FBXL7: variants seen among roughly 807,000 people sequenced by gnomAD.
The protein encoded by FBXL7 is F-box and leucine rich repeat protein 7.
In FBXL7, 12 loss-of-function variants were observed where a neutral mutation model predicts 38.3. The ratio of observed to expected loss-of-function variants is 0.31; its 90% CI spans 0.20 to 0.51. The LOEUF is 0.51. Ranked by LOEUF, FBXL7 falls within the 20% of genes least tolerant of loss-of-function variation. The pLI, the probability that FBXL7 is intolerant of heterozygous loss-of-function variation, is 0.98. For missense variants in FBXL7, 567 were observed against 676.4 expected (o/e 0.84, Z 1.79); for synonymous variants, 297 against 300.9 (o/e 0.99, Z 0.13).
chr5:15,665,220 T>C (rs977085145), intron 2 of FBXL7, among the ~76,000 whole-genome samples: 4 of 152,140 alleles, frequency 2.6e-5, no homozygotes, highest in Non-Finnish European at 5.9e-5. Context: ...TCTCCTTCCA[T>C]ACCCCCCAAT....
intron 2 of FBXL7, among the ~76,000 whole-genome samples, chr5:15,874,741 C>A (rs1740125506): frequency 6.6e-6 from 1 of 152,092 alleles, no homozygotes; most frequent in Non-Finnish European, 1.5e-5. Context: ...GAACTACAAA[C>A]CACTGCTCAA....
chr5:15,630,782 A>G (rs1007193432), intron 2 of FBXL7, among the ~76,000 whole-genome samples: 1 of 152,080 alleles, frequency 6.6e-6, no homozygotes, highest in Non-Finnish European at 1.5e-5. Flanking sequence ...TCACCAAAAC[A>G]TGAAGTAGGA....
chr5:15,765,714 G>A (rs1469538696), intron 2 of FBXL7, among the ~76,000 whole-genome samples: 1 of 152,154 alleles, frequency 6.6e-6, no homozygotes, highest in Non-Finnish European at 1.5e-5. Flanking sequence ...GCCCAGTTGT[G>A]TACCAATTGA....
At chr5:15,589,014 T>G (rs944055133) in intron 1 of FBXL7, among the ~76,000 whole-genome samples, 1 of 152,184 alleles carries the variant, frequency 6.6e-6, no homozygotes, top group African/African-American at 2.4e-5. Context: ...CTGAGAAATT[T>G]CAGATGATTT....
intron 2 of FBXL7, among the ~76,000 whole-genome samples, chr5:15,866,666 C>A (rs1561160775): frequency 6.8e-6 from 1 of 146,898 alleles, no homozygotes; most frequent in East Asian, 2.0e-4. Context: ...TCCCCTCACC[C>A]CCCACCCCCC....
intron 2 of FBXL7, among the ~76,000 whole-genome samples, chr5:15,648,418 AG>A (rs1741605636): frequency 1.3e-5 from 2 of 152,228 alleles, no homozygotes; most frequent in African/African-American, 4.8e-5. Flanking sequence ...TCGCTTATTA[AG>A]GGACACCAAA....
intron 2 of FBXL7, among the ~76,000 whole-genome samples, chr5:15,674,889 T>C (rs1427921869): frequency 2.0e-5 from 3 of 152,222 alleles, no homozygotes; most frequent in African/African-American, 7.2e-5. Flanking sequence ...TTCTTCCAGC[T>C]AGATCATTAA....
intron 2 of FBXL7, among the ~76,000 whole-genome samples, chr5:15,808,662 G>A (rs1737778875): frequency 6.6e-6 from 1 of 152,168 alleles, no homozygotes; most frequent in Admixed American, 6.5e-5. Context: ...CAAGTGGCTA[G>A]TTTCCAGTGG....
chr5:15,932,521 A>G (rs1253946073), intron 3 of FBXL7, among the ~76,000 whole-genome samples: 1 of 152,186 alleles, frequency 6.6e-6, no homozygotes, highest in African/African-American at 2.4e-5. Context: ...CCTACTGAAT[A>G]ATATTTATAT....
At chr5:15,775,399 A>ACG (rs1266375933) in intron 2 of FBXL7, among the ~76,000 whole-genome samples, 1 of 152,110 alleles carries the variant, frequency 6.6e-6, no homozygotes, top group Non-Finnish European at 1.5e-5. Context: ...ACACACACAC[A>ACG]CACAAATACC....
intron 2 of FBXL7, among the ~76,000 whole-genome samples, chr5:15,772,297 T>C (rs1415669870): frequency 6.6e-6 from 1 of 152,216 alleles, no homozygotes; most frequent in African/African-American, 2.4e-5. Flanking sequence ...GCATCCCTCA[T>C]GTTCCTGGAA....
At chr5:15,904,375 G>A (rs1741305381) in intron 2 of FBXL7, among the ~76,000 whole-genome samples, 1 of 152,164 alleles carries the variant, frequency 6.6e-6, no homozygotes, top group African/African-American at 2.4e-5. Context: ...ACAGAGCAAT[G>A]CCAGACTCTA....
At chr5:15,780,611 G>C (rs1232469479) in intron 2 of FBXL7, among the ~76,000 whole-genome samples, 1 of 152,156 alleles carries the variant, frequency 6.6e-6, no homozygotes, top group African/African-American at 2.4e-5. Flanking sequence ...AGGGAGTCCT[G>C]TGTGCTTGTC....
rs1744367994 is a variant in FBXL7, at chr5:15,726,691, A to AAATAAAT, written c.127+110621_127+110622insTAAATAA. Among the ~76,000 whole-genome samples, 8 of 141,428 alleles carry AAATAAAT rather than the reference A, an allele frequency of 5.7e-5. No individual in the cohort carries two copies. The South Asian group carries it at 1.9e-3, about 33-fold the overall frequency. 92.8% of individuals were successfully genotyped at this position (141,428 alleles called of 152,430 possible). A position where few individuals can be genotyped will look rare whatever the true frequency, so the allele number is the denominator to read the frequency against. On this transcript the variant is annotated intron_variant, in intron 2 of 3. Coordinates refer to ENST00000504595, the MANE Select transcript of FBXL7 (RefSeq NM_012304.5). ...GGGTGACAGAGCAAGACTCCATCTC[A>AAATAAAT]AAATAAATAAATAAATAAATAAATA...
At chr5:15,551,063 C>T (rs1411063544) in intron 1 of FBXL7, among the ~76,000 whole-genome samples, 2 of 152,086 alleles carry the variant, frequency 1.3e-5, no homozygotes, top group African/African-American at 4.8e-5. Context: ...GCGAATGAGG[C>T]AAAAAACCTC....
chr5:15,626,544 C>CTGTGTG lies in FBXL7; in HGVS notation c.127+10496_127+10501dup, dbSNP rs71603784. On this transcript the variant is annotated intron_variant, in intron 2 of 3. Coordinates refer to ENST00000504595, the MANE Select transcript of FBXL7 (RefSeq NM_012304.5). Reference sequence around the variant, plus strand: ...ATAGTCTTAGAAGAAAATTCGTTTCCTGTGTGTGTGTGTGTGTGTGTGTGT... The same window carrying CTGTGTG: ...ATAGTCTTAGAAGAAAATTCGTTTCCTGTGTGTGTGTGTGTGTGTGTGTGTGTGTGT... 5.3e-3 allele frequency among the ~76,000 whole-genome samples: 783 copies of CTGTGTG among 148,328 alleles called. 8 individuals carry two copies. Among genetic ancestry groups the CTGTGTG allele is most frequent in the African/African-American group, 0.013 (546 of 40,512 alleles).
In FBXL7 at chr5:15,576,281, T is replaced by C. The variant is rs200784368; in HGVS notation, c.38-39702T>C. 4.0e-5 allele frequency among the ~76,000 whole-genome samples: 6 copies of C among 151,716 alleles called. No individual in the cohort carries two copies. The East Asian group carries it at 1.2e-3, about 30-fold the overall frequency. On this transcript the variant is annotated intron_variant, in intron 1 of 3. Coordinates refer to ENST00000504595, the MANE Select transcript of FBXL7 (RefSeq NM_012304.5). ...GTAGTTTTAGTAGAGGCGGGGTTTC[T>C]CCATGTTGGTCTGGCTAATCTCAAA...
chr5:15,865,659 C>T (rs959114813), intron 2 of FBXL7, among the ~76,000 whole-genome samples: 11 of 152,084 alleles, frequency 7.2e-5, no homozygotes, highest in Admixed American at 6.6e-4. Context: ...TCTCTCTCTC[C>T]CCACCCCCAC....
intron 2 of FBXL7, among the ~76,000 whole-genome samples, chr5:15,782,849 G>A (rs184722241): frequency 1.3e-5 from 2 of 152,258 alleles, no homozygotes; most frequent in African/African-American, 2.4e-5. Flanking sequence ...GGTGGGAGAT[G>A]TTTGAGGAGA....
Sources: gnomAD v4.1 joint callset for allele counts (sites outside exome capture counted in the v4.1 genomes callset) on GRCh38, gnomAD v4.1.1 for gene constraint, MANE v1.5 for transcripts, NCBI Gene and HGNC (gene_info 2026-07-23, HGNC 2026-07-21) for gene names.